The following IQGAP2 variants were observed in gnomAD, a reference collection of about 807,000 sequenced individuals.
IQGAP2 encodes the protein ras GTPase-activating-like protein IQGAP2.
Under a neutral mutation model 201.3 loss-of-function variants are expected in IQGAP2, and 173 were observed. That is an observed-to-expected ratio of 0.86 (90% CI 0.76 to 0.98). The LOEUF (loss-of-function observed/expected upper bound fraction) is 0.98, where lower values mean the gene tolerates loss of function less well. Ranked by LOEUF, IQGAP2 falls within the 50% of genes least tolerant of loss-of-function variation. The probability of loss-of-function intolerance (pLI) is 0.00; values close to 1 mark genes in which losing one functional copy is unlikely to be tolerated. For missense variants in IQGAP2, 1,687 were observed against 1,864.8 expected (o/e 0.90, Z 1.76); for synonymous variants, 675 against 673.9 (o/e 1.00, Z -0.03).
intron 30 of IQGAP2, among the ~76,000 whole-genome samples, chr5:76,684,508 C>T (rs1745566651): frequency 6.6e-6 from 1 of 152,206 alleles, no homozygotes; most frequent in Non-Finnish European, 1.5e-5. Flanking sequence ...CCATCCTTTA[C>T]ACACAGAGTA....
chr5:76,438,008 G>GTTTTTTTTTTT (rs768892670), intron 1 of IQGAP2, among the ~76,000 whole-genome samples: 3 of 91,042 alleles, frequency 3.3e-5, no homozygotes, highest in African/African-American at 3.7e-5. Context: ...TTGGTCTGTA[G>GTTTTTTTTTTT]TTTTTTTTTT....
chr5:76,574,615 G>T (rs192796909), intron 4 of IQGAP2, among the ~76,000 whole-genome samples: 1 of 152,302 alleles, frequency 6.6e-6, no homozygotes, highest in African/African-American at 2.4e-5. Flanking sequence ...TTAAGAAAAA[G>T]AGTAAGAAAT....
intron 13 of IQGAP2, chr5:76,616,624 G>A (rs1748998109): frequency 6.5e-6 from 1 of 152,718 alleles, no homozygotes; most frequent in South Asian, 2.1e-4. Context: ...GGCTGAGATA[G>A]GAAGATCACT....
At chr5:76,513,456 G>A (rs138548994) in intron 2 of IQGAP2, among the ~76,000 whole-genome samples, 21 of 152,276 alleles carry the variant, frequency 1.4e-4, no homozygotes, top group East Asian at 1.9e-4. Context: ...ACTAGTTTGC[G>A]TATATGTATA....
At chr5:76,551,522 G>A (rs1743519683) in intron 2 of IQGAP2, among the ~76,000 whole-genome samples, 2 of 151,902 alleles carry the variant, frequency 1.3e-5, no homozygotes, top group Non-Finnish European at 2.9e-5. Context: ...GGTGGAGGTT[G>A]TAGCGAGCCG....
chr5:76,430,967 G>A (rs904007040), intron 1 of IQGAP2, among the ~76,000 whole-genome samples: 1 of 152,026 alleles, frequency 6.6e-6, no homozygotes, highest in Non-Finnish European at 1.5e-5. Context: ...AAAGAATGAG[G>A]TAGCTCTATA....
intron 1 of IQGAP2, among the ~76,000 whole-genome samples, chr5:76,407,075 C>G (rs1289778300): frequency 6.6e-6 from 1 of 152,092 alleles, no homozygotes; most frequent in Non-Finnish European, 1.5e-5. Context: ...AACCTCCCAG[C>G]CTCAAGCTGT....
chr5:76,477,627 A>G (rs1211157027), intron 2 of IQGAP2, among the ~76,000 whole-genome samples: 1 of 152,174 alleles, frequency 6.6e-6, no homozygotes, highest in Non-Finnish European at 1.5e-5. Context: ...CTATGTTTTT[A>G]TGTTATTTTT....
intron 1 of IQGAP2, among the ~76,000 whole-genome samples, chr5:76,429,345 G>T (rs1332093597): frequency 2.6e-5 from 4 of 151,666 alleles, no homozygotes; most frequent in African/African-American, 9.7e-5. Context: ...GGCTGAGGTG[G>T]GCAGATCACG....
intron 1 of IQGAP2, among the ~76,000 whole-genome samples, chr5:76,445,175 A>G (rs779086279): frequency 2.0e-5 from 3 of 152,178 alleles, no homozygotes; most frequent in Non-Finnish European, 4.4e-5. Context: ...ATGATTGGCC[A>G]ATCCCACAGG....
intron 2 of IQGAP2, among the ~76,000 whole-genome samples, chr5:76,504,880 CCTCA>C (rs1324345909): frequency 6.6e-6 from 1 of 152,162 alleles, no homozygotes; most frequent in Non-Finnish European, 1.5e-5. Context: ...CTAGCCCTGG[CCTCA>C]CTCACTAGCC....
chr5:76,499,991 C>A (rs1045015516), intron 2 of IQGAP2, among the ~76,000 whole-genome samples: 2 of 151,932 alleles, frequency 1.3e-5, no homozygotes, highest in African/African-American at 4.8e-5. Context: ...ACTTGTAGTC[C>A]CAGCTACCTG....
intron 5 of IQGAP2, among the ~76,000 whole-genome samples, chr5:76,580,403 A>C (rs1745764189): frequency 6.6e-6 from 1 of 152,252 alleles, no homozygotes; most frequent in African/African-American, 2.4e-5. Context: ...ACTGCACTCC[A>C]GCCTGGGCAA....
At chr5:76,656,225 GTTT>G (rs34793452) in intron 20 of IQGAP2, among the ~76,000 whole-genome samples, 1 of 150,258 alleles carries the variant, frequency 6.7e-6, no homozygotes, top group African/African-American at 2.4e-5. Context: ...TTTGTTTTTT[GTTT>G]TTTTTTTTTC....
intron 17 of IQGAP2, among the ~76,000 whole-genome samples, chr5:76,646,449 C>A (rs1414486559): frequency 2.0e-5 from 3 of 152,208 alleles, no homozygotes; most frequent in Non-Finnish European, 4.4e-5. Context: ...AATCTCAAGC[C>A]TTCCCCGAGG....
In IQGAP2 at chr5:76,432,128, C is replaced by CTTTTTT. The variant is rs70982606; in HGVS notation, c.46+28547_46+28552dup. ...TGGAATTGACTGATCTTTCTTTCTT[C>CTTTTTT]TTTTTTTTTTTTTTTGAGATGGAGT... On this transcript the variant is annotated intron_variant, in intron 1 of 35. Transcript: ENST00000274364. 5.2e-5 allele frequency among the ~76,000 whole-genome samples: 5 copies of CTTTTTT among 95,296 alleles called. 1 individual carries two copies. The highest frequency in any genetic ancestry group is 1.5e-4 in the African/African-American group (4 of 26,198). 62.5% of individuals were successfully genotyped at this position (95,296 alleles called of 152,430 possible).
At chr5:76,675,123 A>T (rs1744686480) in intron 27 of IQGAP2, among the ~76,000 whole-genome samples, 1 of 152,226 alleles carries the variant, frequency 6.6e-6, no homozygotes, top group African/African-American at 2.4e-5. Context: ...TCTACGTCAG[A>T]TACATTTGAC....
chr5:76,524,424 C>G (rs918904646), intron 2 of IQGAP2, among the ~76,000 whole-genome samples: 7 of 152,136 alleles, frequency 4.6e-5, no homozygotes, highest in Admixed American at 3.3e-4. Flanking sequence ...TGTTCTCCAA[C>G]AGCACCCAGC....
intron 1 of IQGAP2, among the ~76,000 whole-genome samples, chr5:76,454,296 T>A (rs972348786): frequency 2.0e-5 from 3 of 151,806 alleles, no homozygotes; most frequent in Non-Finnish European, 4.4e-5. Context: ...ATATATTTTT[T>A]AATTATTATT....
Sources: gnomAD v4.1 joint callset for allele counts (sites outside exome capture counted in the v4.1 genomes callset) on GRCh38, gnomAD v4.1.1 for gene constraint, MANE v1.5 for transcripts, NCBI Gene and HGNC (gene_info 2026-07-23, HGNC 2026-07-21) for gene names.